Variants in SUGCT observed in about 807,000 individuals in gnomAD.
The protein encoded by SUGCT is succinyl-CoA:glutarate CoA-transferase.
Under a neutral mutation model 55.0 loss-of-function variants are expected in SUGCT, and 41 were observed. The ratio of observed to expected loss-of-function variants is 0.74; its 90% confidence interval spans 0.58 to 0.97. SUGCT has a LOEUF of 0.97. SUGCT is among the 50% of genes least tolerant of loss of function. The probability of loss-of-function intolerance (pLI) is 0.00; values close to 1 mark genes in which losing one functional copy is unlikely to be tolerated. For missense variants in SUGCT, 568 were observed against 547.8 expected, an observed-to-expected ratio of 1.04 and a Z score of -0.37; for synonymous variants, 187 against 200.4, an observed-to-expected ratio of 0.93 and a Z score of 0.56.
At chr7:40,929,088 G>C in the SUGCT span, among the ~76,000 whole-genome samples, 837 of 146,750 alleles carry the variant, frequency 5.7e-3, 11 homozygotes, top group African/African-American at 0.019. Context: ...CCCCCAGCCC[G>C]CCACCCCCTG....
chr7:40,713,182 C>T (rs1785817139), intron 12 of SUGCT, among the ~76,000 whole-genome samples: 1 of 152,192 alleles, frequency 6.6e-6, no homozygotes, highest in Admixed American at 6.5e-5. Context: ...CAGGAGAAGC[C>T]TCCCCTGACT....
At chr7:40,285,029 A>G (rs1793226386) in intron 8 of SUGCT, among the ~76,000 whole-genome samples, 1 of 152,206 alleles carries the variant, frequency 6.6e-6, no homozygotes, top group African/African-American at 2.4e-5. Context: ...ACAAATGAGG[A>G]AAATCAGGTC....
intron 12 of SUGCT, among the ~76,000 whole-genome samples, chr7:40,676,743 T>C (rs1284393155): frequency 6.6e-6 from 1 of 152,088 alleles, no homozygotes; most frequent in East Asian, 1.9e-4. Flanking sequence ...CGTCAGGTGA[T>C]CCTCCCACCT....
At chr7:40,706,161 A>G (rs1584307860) in intron 12 of SUGCT, among the ~76,000 whole-genome samples, 1 of 152,214 alleles carries the variant, frequency 6.6e-6, no homozygotes, top group Non-Finnish European at 1.5e-5. Flanking sequence ...AAAGACATTT[A>G]TATCAGTATG....
intron 7 of SUGCT, among the ~76,000 whole-genome samples, chr7:40,245,356 G>T (rs1462911196): frequency 7.2e-6 from 1 of 138,462 alleles, no homozygotes; most frequent in Non-Finnish European, 1.5e-5. Flanking sequence ...ACCGCACCTG[G>T]CCATGAACTT....
At chr7:40,642,416 G>T (rs539341414) in intron 12 of SUGCT, among the ~76,000 whole-genome samples, 2 of 152,238 alleles carry the variant, frequency 1.3e-5, no homozygotes, top group South Asian at 4.2e-4. Flanking sequence ...GTATGATTGT[G>T]GGTGTGTGGG....
intron 1 of SUGCT, among the ~76,000 whole-genome samples, chr7:40,177,811 G>A (rs1584263066): frequency 2.0e-5 from 3 of 152,230 alleles, no homozygotes; most frequent in Admixed American, 2.0e-4. Context: ...GTGCAGTGGT[G>A]TAATCTCGGC....
chr7:40,583,488 T>C (rs533412202), intron 12 of SUGCT, among the ~76,000 whole-genome samples: 1 of 152,298 alleles, frequency 6.6e-6, no homozygotes, highest in South Asian at 2.1e-4. Context: ...TTCCCTGGAA[T>C]TGTATGATGA....
intron 12 of SUGCT, among the ~76,000 whole-genome samples, chr7:40,737,981 C>T (rs1787263291): frequency 6.6e-6 from 1 of 151,346 alleles, no homozygotes; most frequent in South Asian, 2.1e-4. Flanking sequence ...TCGCGCAGAT[C>T]ACGAGGTCAG....
intron 1 of SUGCT, among the ~76,000 whole-genome samples, chr7:40,159,620 C>T (rs535744110): frequency 2.0e-5 from 3 of 151,400 alleles, no homozygotes; most frequent in African/African-American, 2.4e-5. Flanking sequence ...CTGCCCACCT[C>T]GGCCTCCCAA....
intron 6 of SUGCT, among the ~76,000 whole-genome samples, chr7:40,226,554 G>T (rs1236401099): frequency 1.3e-5 from 2 of 151,032 alleles, no homozygotes; most frequent in African/African-American, 4.9e-5. Context: ...GTAAAAAGTG[G>T]CTAAGAAGAA....
intron 12 of SUGCT, among the ~76,000 whole-genome samples, chr7:40,595,154 C>T (rs566845688): frequency 1.4e-4 from 22 of 152,164 alleles, no homozygotes; most frequent in African/African-American, 3.4e-4. Context: ...TTATACTATC[C>T]GCCACAACTC....
intron 12 of SUGCT, among the ~76,000 whole-genome samples, chr7:40,663,152 A>G (rs1192373373): frequency 6.6e-6 from 1 of 152,214 alleles, no homozygotes; most frequent in Non-Finnish European, 1.5e-5. Context: ...TCATACTGCA[A>G]TGAAGAATTA....
chr7:41,021,544 G>A, the SUGCT span, among the ~76,000 whole-genome samples: 1 of 151,978 alleles, frequency 6.6e-6, no homozygotes, highest in Non-Finnish European at 1.5e-5. Flanking sequence ...AGATGAGCTA[G>A]CAAGAAAAAA....
intron 12 of SUGCT, among the ~76,000 whole-genome samples, chr7:40,593,765 G>A (rs373169315): frequency 1.2e-4 from 18 of 152,130 alleles, no homozygotes; most frequent in African/African-American, 3.4e-4. Context: ...CTTGAGCCTG[G>A]GACGTGGAGG....
chr7:40,847,417 T>TA, intron 13 of SUGCT, among the ~76,000 whole-genome samples: 2 of 137,652 alleles, frequency 1.5e-5, no homozygotes, highest in African/African-American at 5.5e-5. Flanking sequence ...CTTTCTTTTT[T>TA]TTTTTTTTTT....
At chr7:40,550,139 C>A (rs889520832) in intron 12 of SUGCT, among the ~76,000 whole-genome samples, 12 of 152,050 alleles carry the variant, frequency 7.9e-5, no homozygotes, top group Non-Finnish European at 1.8e-4. Context: ...TGAAGAGACT[C>A]TAAACAGTCA....
intron 7 of SUGCT, among the ~76,000 whole-genome samples, chr7:40,247,059 G>A (rs935235512): frequency 6.6e-6 from 1 of 152,092 alleles, no homozygotes; most frequent in African/African-American, 2.4e-5. Flanking sequence ...GAATAAAACT[G>A]AACTCTCTTC....
intron 12 of SUGCT, among the ~76,000 whole-genome samples, chr7:40,540,646 A>G (rs1794622703): frequency 6.6e-6 from 1 of 152,250 alleles, no homozygotes; most frequent in Non-Finnish European, 1.5e-5. Flanking sequence ...CAGGCTGTAT[A>G]CCTGTATTGA....
Sources: gnomAD v4.1 joint callset for allele counts (sites outside exome capture counted in the v4.1 genomes callset) on GRCh38, gnomAD v4.1.1 for gene constraint, MANE v1.5 for transcripts, NCBI Gene and HGNC (gene_info 2026-07-23, HGNC 2026-07-21) for gene names.